TRIOBP: variants seen among roughly 807,000 people sequenced by gnomAD.
TRIOBP encodes TRIO and F-actin-binding protein.
A neutral mutation model predicts 238.8 loss-of-function variants in TRIOBP; 169 were observed. That is an observed-to-expected ratio of 0.71 (90% CI 0.62 to 0.80). The LOEUF is 0.80. Ranked by LOEUF, TRIOBP falls within the 30% of genes least tolerant of loss-of-function variation. The pLI, the probability that TRIOBP is intolerant of heterozygous loss-of-function variation, is 0.00. For synonymous variants in TRIOBP, 1,150 were observed against 1,274.4 expected (o/e 0.90, Z 2.08); for missense variants, 2,838 against 3,122.6 (o/e 0.91, Z 2.17).
At chr22:37,746,533 G>A in intron 11 of TRIOBP, 2 of 981,316 alleles carry the variant, frequency 2.0e-6, no homozygotes, top group Non-Finnish European at 2.6e-6. Context: ...CCGAAGGCGA[G>A]AGGAGGGCTG....
intron 9 of TRIOBP, among the ~76,000 whole-genome samples, chr22:37,738,386 G>C (rs1924781382): frequency 6.6e-6 from 1 of 152,046 alleles, no homozygotes. Context: ...GGATATGTAG[G>C]TATTGGGTAA....
intron 9 of TRIOBP, among the ~76,000 whole-genome samples, chr22:37,737,029 C>G (rs1272698591): frequency 6.6e-6 from 1 of 152,206 alleles, no homozygotes; most frequent in African/African-American, 2.4e-5. Flanking sequence ...TGAGTTGACC[C>G]TCCAATCAAC....
At chr22:37,759,831 G>A in intron 17 of TRIOBP, 1 of 1,229,992 alleles carries the variant, frequency 8.1e-7, no homozygotes, top group Non-Finnish European at 1.0e-6. Context: ...TCACAACTAG[G>A]ACAAACTAAC....
chr22:37,715,262 G>A (rs1285217328), intron 5 of TRIOBP, among the ~76,000 whole-genome samples: 2 of 152,042 alleles, frequency 1.3e-5, no homozygotes, highest in East Asian at 1.9e-4. Flanking sequence ...TGATCCACCT[G>A]CCTCAGCCTC....
At chr22:37,718,890 A>G (rs1923680560) in intron 6 of TRIOBP, among the ~76,000 whole-genome samples, 1 of 122,434 alleles carries the variant, frequency 8.2e-6, no homozygotes, top group South Asian at 2.6e-4. Context: ...TCTGTTCCCC[A>G]GGCTGGAGTG....
chr22:37,726,333 G>A lies in TRIOBP; in HGVS notation c.3777G>A (p.Gly1259=), dbSNP rs748652151. 1 of 1,611,978 alleles carries A rather than the reference G, an allele frequency of 6.2e-7. No individual in the cohort carries two copies. The highest frequency in any genetic ancestry group is 1.1e-5 in the South Asian group (1 of 90,954). The stretch of plus-strand genomic sequence containing the variant: ...GCTCCCGGGGCTCAGCGCCTCCCGG[G>A]GAGACCAGGCACAACTTGGAGCGGG... ...SGGSRGSAPP[G]ETRHNLEREE... Residue 1259 remains glycine (G), a synonymous_variant, in exon 7 of 24, where the codon GGG becomes GGA. Coordinates refer to ENST00000644935, the MANE Select transcript of TRIOBP (RefSeq NM_001039141.3).
At chr22:37,738,820 C>T in intron 10 of TRIOBP, 101 bp downstream of exon 10, 4 of 1,293,710 alleles carry the variant, frequency 3.1e-6, no homozygotes, top group Non-Finnish European at 4.4e-6. Context: ...ATCAACCAGA[C>T]CAAAGTTGGC....
intron 17 of TRIOBP, among the ~76,000 whole-genome samples, chr22:37,761,122 C>T (rs1054229245): frequency 3.3e-5 from 5 of 151,980 alleles, no homozygotes; most frequent in Non-Finnish European, 2.9e-5. Context: ...CTGGTTGGTG[C>T]GTATTGTGGA....
chr22:37,732,582 GTTTC>G (rs1313403644), intron 7 of TRIOBP, among the ~76,000 whole-genome samples: 1 of 147,606 alleles, frequency 6.8e-6, no homozygotes, highest in African/African-American at 2.5e-5. Flanking sequence ...CAGGGAGAAT[GTTTC>G]TTTCTTCTGA....
chr22:37,755,005 A>T, intron 13 of TRIOBP, 21 bp downstream of exon 13: 1 of 1,612,762 alleles, frequency 6.2e-7, no homozygotes, highest in African/African-American at 1.3e-5. Context: ...GGGTGTACTG[A>T]TGAACCCCCG....
chr22:37,734,497 G>C lies in TRIOBP; in HGVS notation c.4161G>C (p.Arg1387=). The C allele has an allele frequency of 6.2e-7, 1 of 1,610,442 alleles. No homozygotes were observed. The highest frequency in any genetic ancestry group is 8.5e-7 in the Non-Finnish European group (1 of 1,178,912). Residue 1387 remains arginine (R), a synonymous_variant, in exon 9 of 24, where the codon CGG becomes CGC. Coordinates refer to ENST00000644935, the MANE Select transcript of TRIOBP (RefSeq NM_001039141.3). ...CTGAGAAGAGACCTGAGGGAGATCGGCAGCTCCAGGGGTCCCCGCTGCCCC... is the reference window on the plus strand; with the variant it reads ...CTGAGAAGAGACCTGAGGGAGATCGCCAGCTCCAGGGGTCCCCGCTGCCCC... ...WSPEKRPEGD[R]QLQGSPLPPR...
intron 11 of TRIOBP, among the ~76,000 whole-genome samples, chr22:37,750,060 A>G (rs1200539281): frequency 2.0e-5 from 3 of 152,144 alleles, no homozygotes; most frequent in African/African-American, 7.2e-5. Context: ...GAGGATCACT[A>G]GGTTTCTCCT....
chr22:37,740,983 C>T lies in TRIOBP; in HGVS notation c.5273C>T (p.Thr1758Met), dbSNP rs200859910. 16 of 1,560,574 alleles carry T rather than the reference C, an allele frequency of 1.0e-5. No individual in the cohort carries two copies. Among genetic ancestry groups the T allele is most frequent in the South Asian group, 8.3e-5 (7 of 84,656 alleles). ...TGGCGGATGCCCGGGGACCGGCCCA[C>T]GCTGTTCAATCCGTTCCTGCTGTCT... The part of the protein sequence containing the change: ...TSWRMPGDRP[T>M]LFNPFLLSLG... Residue 1758 changes from threonine (T) to methionine (M), a missense_variant, in exon 11 of 24, where the codon ACG becomes ATG. Physicochemically the swap from Thr to Met is moderately conservative, Grantham distance 81. This residue lies in a region of TRIOBP where 2,096 missense variants were observed against 2,137.4 expected (regional missense o/e 0.98). Transcript: ENST00000644935.
Position 37,725,122 on chromosome 22 carries a change from T to G in TRIOBP, c.2566T>G (p.Ser856Ala), listed in dbSNP as rs374465984. The change falls in exon 7 of 24, where the codon TCC (serine) becomes GCC (alanine). Residue 856 changes from serine to alanine, a missense_variant. Transcript: ENST00000644935. ...PTCTQRDRTQ[S>A]FSFQRDNPGT... ...TTGTACACAGCGGGACCGCACACAG[T>G]CCTTTTCCTTTCAACGAGACAACCC... is the stretch of plus-strand genomic sequence containing the variant. 5.0e-6 allele frequency: 8 copies of G among 1,613,800 alleles called. No individual in the cohort carries two copies. In the African/African-American group the frequency reaches 9.4e-5, roughly 19 times the overall value.
chr22:37,701,334 C>T lies in TRIOBP; in HGVS notation c.-32C>T, dbSNP rs1198246181. The T allele has an allele frequency of 6.4e-7, 1 of 1,560,198 alleles. No homozygotes were observed. Among genetic ancestry groups the T allele is most frequent in the Non-Finnish European group, 8.8e-7 (1 of 1,137,546 alleles). On this transcript the variant is annotated 5_prime_UTR_variant, in exon 3 of 24. Transcript: ENST00000644935. Reference sequence around the variant, plus strand: ...TCACATAGACGGTCAGCCATTGGATCATAGGAACTGCCCTGGCCTGACTCA... The same window carrying T: ...TCACATAGACGGTCAGCCATTGGATTATAGGAACTGCCCTGGCCTGACTCA...
chr22:37,747,238 A>C (rs1055044786), intron 11 of TRIOBP, among the ~76,000 whole-genome samples: 4 of 152,322 alleles, frequency 2.6e-5, no homozygotes, highest in African/African-American at 9.6e-5. Context: ...GGTCACCCCA[A>C]GTATAAGAGA....
At chr22:37,759,761 A>G in intron 17 of TRIOBP, 2 of 1,406,250 alleles carry the variant, frequency 1.4e-6, no homozygotes, top group South Asian at 1.5e-5. Context: ...GCGGTTCTCA[A>G]CGGGGTCCAT....
intron 7 of TRIOBP, among the ~76,000 whole-genome samples, chr22:37,731,226 C>T (rs1316189369): frequency 3.3e-5 from 5 of 151,986 alleles, no homozygotes; most frequent in African/African-American, 9.7e-5. Flanking sequence ...CAGCCTCAAC[C>T]TCCCAGGCTG....
At chr22:37,702,281 T>C (rs1228599501) in intron 3 of TRIOBP, among the ~76,000 whole-genome samples, 1 of 152,080 alleles carries the variant, frequency 6.6e-6, no homozygotes, top group Non-Finnish European at 1.5e-5. Context: ...CTCAGCTCAC[T>C]GCAATCTCTG....
Sources: allele counts gnomAD v4.1 joint callset (sites outside exome capture counted in the v4.1 genomes callset), GRCh38; gene constraint gnomAD v4.1.1; regional missense constraint gnomAD v4.1.1; transcripts MANE v1.5; gene names NCBI Gene and HGNC (gene_info 2026-07-23, HGNC 2026-07-21).